NEB: variants seen among roughly 807,000 people sequenced by gnomAD.
The protein encoded by NEB is nemaline myopathy type 2.
A neutral mutation model predicts 952.2 loss-of-function variants in NEB; 512 were observed. The ratio of observed to expected loss-of-function variants is 0.54; its 90% CI spans 0.50 to 0.58. The LOEUF is 0.58. NEB is among the 20% of genes least tolerant of loss of function. NEB has a pLI of 0.00. For synonymous variants in NEB, 2,900 were observed against 3,149.8 expected, an observed-to-expected ratio of 0.92 and a Z score of 2.66; for missense variants, 8,428 against 9,231.1, an observed-to-expected ratio of 0.91 and a Z score of 3.56.
At position 151,546,392 on chromosome 2, in the gene NEB, A is replaced by C. The variant is rs766561689; in HGVS notation, c.20419T>G (p.Tyr6807Asp). ...QVLKGFGCFLYDTPDMVRSRH... is the reference protein window; with the variant it reads ...QVLKGFGCFLDDTPDMVRSRH... Reference sequence around the variant, plus strand: ...GAGCGGACCATGTCAGGAGTGTCATACAGGAAGCAGCCAAATCCCTTCAGG... The same window carrying C: ...GAGCGGACCATGTCAGGAGTGTCATCCAGGAAGCAGCCAAATCCCTTCAGG... The change falls in exon 134 of 182, where the codon TAT becomes GAT. Residue 6807 changes from tyrosine to aspartate, a missense_variant. Tyr to Asp is a radical substitution (Grantham distance 160). Transcript: ENST00000397345. 2.5e-6 allele frequency: 4 copies of C among 1,613,524 alleles called. No individual in the cohort carries two copies. Among genetic ancestry groups the C allele is most frequent in the Admixed American group, 3.3e-5 (2 of 59,978 alleles).
chr2:151,684,754 G>A (rs1263895224), intron 28 of NEB, 24 bp downstream of exon 28: 14 of 1,525,940 alleles, frequency 9.2e-6, no homozygotes, highest in Non-Finnish European at 1.1e-5. Context: ...TAAAAGAGGG[G>A]CTACAGAAAC....
At chr2:151,717,279 T>A (rs575570267) in intron 10 of NEB, 137 bp downstream of exon 10, 1 of 698,652 alleles carries the variant, frequency 1.4e-6, no homozygotes, top group South Asian at 1.6e-5. Flanking sequence ...TGCTGTAGAG[T>A]CTTTGGGGAT....
At chr2:151,709,600 A>G (rs745338464) in intron 12 of NEB, 56 bp downstream of exon 12, 1 of 1,366,736 alleles carries the variant, frequency 7.3e-7, no homozygotes, top group Non-Finnish European at 1.0e-6. Flanking sequence ...AGCCAAAGTT[A>G]TAAGAAATTT....
In NEB at chr2:151,610,317, G is replaced by A. The variant is rs530287109; in HGVS notation, c.12019-197C>T. ...TAATCATATATCTTCATTGGTGAAAGCATTCCCTGCAGCAACTCTAACTAT... is the reference window on the plus strand; with the variant it reads ...TAATCATATATCTTCATTGGTGAAAACATTCCCTGCAGCAACTCTAACTAT... On this transcript the variant is annotated intron_variant, in intron 80 of 181. Transcript: ENST00000397345. Among the ~76,000 whole-genome samples the A allele has an allele frequency of 5.3e-5, 8 of 152,286 alleles. No individual in the cohort carries two copies. The South Asian group carries it at 1.5e-3, about 28-fold the overall frequency.
chr2:151,551,679 T>A (rs1256263298), intron 129 of NEB, 59 bp downstream of exon 129: 2 of 1,353,824 alleles, frequency 1.5e-6, no homozygotes, highest in Non-Finnish European at 2.1e-6. Context: ...CTCAGCTTGC[T>A]TCCACAGAGG....
intron 42 of NEB, 98 bp from the exon 43 acceptor site, chr2:151,664,961 TA>T: frequency 1.2e-6 from 1 of 826,248 alleles, no homozygotes; most frequent in Non-Finnish European, 1.9e-6. Context: ...TAAAAGAGGT[TA>T]AATGGATATT....
rs191239070 is a variant in NEB, at chr2:151,686,225, A to G, written c.2637+1194T>C. ...CAGTACATATAAAATGTTGTCAAAGATCCAAATGGCTTTAAAAGATTCTTT... is the reference window on the plus strand; with the variant it reads ...CAGTACATATAAAATGTTGTCAAAGGTCCAAATGGCTTTAAAAGATTCTTT... On this transcript the variant is annotated intron_variant, in intron 27 of 181. Coordinates refer to ENST00000397345, the MANE Select transcript of NEB (RefSeq NM_001164508.2). Among the ~76,000 whole-genome samples, 186 of 152,302 alleles carry G rather than the reference A, an allele frequency of 1.2e-3. 2 individuals are homozygous for G. The highest frequency in any genetic ancestry group is 3.9e-3 in the African/African-American group (164 of 41,572).
In NEB at chr2:151,669,120, C is replaced by T. The variant is rs1216257726; in HGVS notation, c.4518G>A (p.Lys1506=). The T allele has an allele frequency of 2.5e-6, 4 of 1,576,986 alleles. No homozygotes were observed. The Admixed American group carries it at 7.3e-5, about 29-fold the overall frequency. ...NTKQLSDLNY[K]VEGEKLKHKY... ...TGTGCTTCAGTTTCTCTCCCTCTAC[C>T]TTGTAGTTCAACTAAAAACAAAGGA... Residue 1506 remains lysine (K), a synonymous_variant, in exon 39 of 182, where the codon AAG becomes AAA. Transcript: ENST00000397345.
intron 153 of NEB, among the ~76,000 whole-genome samples, chr2:151,521,205 T>C (rs2081741781): frequency 6.6e-6 from 1 of 152,116 alleles, no homozygotes; most frequent in Non-Finnish European, 1.5e-5. Context: ...AAAATAACAA[T>C]GAAATCTGCC....
Position 151,633,851 on chromosome 2 carries a change from T to C in NEB, c.9217A>G (p.Arg3073Gly). ...SMHVAKIQSD[R>G]EYKKDFEKWK... ...TTCTCAAAGTCCTTTTTGTACTCCC[T>C]GTCACTCTGGATCTTGGCTACGTGC... is the stretch of plus-strand genomic sequence containing the variant. Residue 3073 changes from arginine to glycine, a missense_variant, in exon 65 of 182, where the codon AGG becomes GGG. By Grantham distance (125) the Arg-to-Gly change is moderately radical. Around this residue, in one of 11 missense-constraint regions of NEB, gnomAD observed 1,772 missense variants for 1,960.3 expected, o/e 0.90. Coordinates refer to ENST00000397345, the MANE Select transcript of NEB (RefSeq NM_001164508.2). 1.9e-6 allele frequency: 3 copies of C among 1,614,034 alleles called. No individual in the cohort carries two copies. The highest frequency in any genetic ancestry group is 2.2e-5 in the East Asian group (1 of 44,882).
intron 105 of NEB, among the ~76,000 whole-genome samples, chr2:151,578,795 G>T (rs1354536452): frequency 1.3e-5 from 2 of 149,658 alleles, no homozygotes; most frequent in African/African-American, 4.9e-5. Context: ...AGGAAGGGCG[G>T]GCAAGGCTGG....
chr2:151,531,097 A>C lies in NEB; in HGVS notation c.21527T>G (p.Leu7176Arg). ...GGCCTTGTTGTATTCCAATTTATAA[A>C]GGATCTGAAAGATCAAAAAGCAGAA... is the stretch of plus-strand genomic sequence containing the variant. Reference protein sequence around the residue: ...TKVNKQISDILYKLEYNKAKP... With the variant: ...TKVNKQISDIRYKLEYNKAKP... The change falls in exon 145 of 182, where the codon CTT (leucine) becomes CGT (arginine). Residue 7176 changes from leucine to arginine, a missense_variant. Coordinates refer to ENST00000397345, the MANE Select transcript of NEB (RefSeq NM_001164508.2). 1 of 1,595,074 alleles carries C rather than the reference A, an allele frequency of 6.3e-7. No individual in the cohort carries two copies. The highest frequency in any genetic ancestry group is 8.6e-7 in the Non-Finnish European group (1 of 1,163,908).
chr2:151,526,495 T>TA (rs2086065299), intron 148 of NEB, among the ~76,000 whole-genome samples: 5 of 152,208 alleles, frequency 3.3e-5, no homozygotes, highest in African/African-American at 9.7e-5. Flanking sequence ...TAGTCACACT[T>TA]ACGTTCACAG....
In NEB at chr2:151,492,474, G is replaced by C. The variant is rs758905884; in HGVS notation, c.24786C>G (p.Phe8262Leu). The C allele has an allele frequency of 6.2e-6, 10 of 1,612,890 alleles. No individual in the cohort carries two copies. In the South Asian group the frequency reaches 1.1e-4, roughly 18 times the overall value. ...CAGCTTTGCCTTGTATTTGTTTCCG[G>C]AAACTATCAGAATAAAGAACCTGAT... ...NISSVLYSDS[F>L]RKQIQGKAAY... Residue 8262 changes from phenylalanine to leucine, a missense_variant, in exon 177 of 182, where the codon TTC (phenylalanine) becomes TTG (leucine). Physicochemically the swap from Phe to Leu is conservative, Grantham distance 22. Transcript: ENST00000397345.
intron 9 of NEB, among the ~76,000 whole-genome samples, chr2:151,719,773 G>A (rs1373976128): frequency 6.6e-6 from 1 of 151,970 alleles, no homozygotes; most frequent in Non-Finnish European, 1.5e-5. Context: ...CAGCTACTTG[G>A]GAGGCTGAAG....
At chr2:151,650,503 T>C in intron 53 of NEB, 71 bp downstream of exon 53, 1 of 1,491,714 alleles carries the variant, frequency 6.7e-7, no homozygotes, top group Non-Finnish European at 9.0e-7. Flanking sequence ...TTTCTGCTTC[T>C]CTTTGACTAA....
intron 78 of NEB, among the ~76,000 whole-genome samples, chr2:151,611,683 T>C (rs1387580048): frequency 3.3e-5 from 5 of 152,334 alleles, no homozygotes; most frequent in Non-Finnish European, 5.9e-5. Context: ...GTAATAAAAC[T>C]GAAAGCAGAG....
Position 151,631,235 on chromosome 2 carries a change from A to G in NEB, c.9526T>C (p.Tyr3176His), listed in dbSNP as rs780297707. 1.2e-6 allele frequency: 2 copies of G among 1,613,952 alleles called. No individual in the cohort carries two copies. Among genetic ancestry groups the G allele is most frequent in the Admixed American group, 3.3e-5 (2 of 60,022 alleles). ...TTCAGCTTGTCCGGAGGCTGGCGGT[A>G]GATGTTATCACTCAGTATTTCGGTA... ...RATEILSDNI[Y>H]RQPPDKLKFT... Residue 3176 changes from tyrosine (Y) to histidine (H), a missense_variant, in exon 66 of 182, where the codon TAC (tyrosine) becomes CAC (histidine). Physicochemically the swap from Tyr to His is moderately conservative, Grantham distance 83 (BLOSUM62 2). This residue lies in a region of NEB where 1,772 missense variants were observed against 1,960.3 expected (regional missense o/e 0.90). Coordinates refer to ENST00000397345, the MANE Select transcript of NEB (RefSeq NM_001164508.2).
intron 181 of NEB, chr2:151,486,210 C>CA (rs1451814951): frequency 3.5e-4 from 110 of 317,596 alleles, no homozygotes; most frequent in Admixed American, 1.2e-3. Flanking sequence ...GACATTTCTC[C>CA]AAAAAAGATA....
Sources: allele counts gnomAD v4.1 joint callset (sites outside exome capture counted in the v4.1 genomes callset), GRCh38; gene constraint gnomAD v4.1.1; regional missense constraint gnomAD v4.1.1; transcripts MANE v1.5; gene names NCBI Gene and HGNC (gene_info 2026-07-23, HGNC 2026-07-21).